Variants in TAP2 observed in about 807,000 individuals in gnomAD.
TAP2 encodes antigen peptide transporter 2.
A neutral mutation model predicts 74.7 loss-of-function variants in TAP2; 49 were observed. That is an observed-to-expected ratio of 0.66 (90% CI 0.52 to 0.83). TAP2 has a LOEUF of 0.83. TAP2 is among the 40% of genes least tolerant of loss of function. The pLI, the probability that TAP2 is intolerant of heterozygous loss-of-function variation, is 0.00. For synonymous variants in TAP2, 306 were observed against 368.4 expected (o/e 0.83, Z 1.94); for missense variants, 739 against 859.0 (o/e 0.86, Z 1.75).
In TAP2 at chr6:32,830,039, G is replaced by C; in HGVS notation, c.1686C>G (p.Asn562Lys). ...EPVLFSGSVR[N>K]NIAYGLQSCE... ...AGCTCTGCAGCCCATAAGCAATGTT[G>C]TTCCTCACAGAACCGGAGAACAGCA... Residue 562 changes from asparagine (N) to lysine (K), a missense_variant, in exon 10 of 12, where the codon AAC becomes AAG. Coordinates refer to ENST00000374897, the MANE Select transcript of TAP2 (RefSeq NM_001290043.2). 1 of 1,613,126 alleles carries C rather than the reference G, an allele frequency of 6.2e-7. No individual in the cohort carries two copies. The highest frequency in any genetic ancestry group is 8.5e-7 in the Non-Finnish European group (1 of 1,180,036).
At chr6:32,833,041 G>A (rs1205952346) in intron 5 of TAP2, among the ~76,000 whole-genome samples, 3 of 152,208 alleles carry the variant, frequency 2.0e-5, no homozygotes, top group African/African-American at 7.2e-5. Flanking sequence ...GGAGATACAT[G>A]CAATTTTTTT....
At chr6:32,823,425 C>T (rs1324111864), downstream of TAP2, among the ~76,000 whole-genome samples, 1 of 135,570 alleles carries the variant, frequency 7.4e-6, no homozygotes, top group Non-Finnish European at 1.5e-5. Flanking sequence ...TCTTGTCACA[C>T]TCAATTTTTT....
chr6:32,832,726 C>T lies in TAP2; in HGVS notation c.1044G>A (p.Glu348=). The part of the protein sequence containing the change: ...GLQTVRSFGA[E]EHEVCRYKEA... ...CTTTATAGCGACAGACTTCATGCTCCTCGGCCCCAAAACTGCGAACGGTCT... is the reference window on the plus strand; with the variant it reads ...CTTTATAGCGACAGACTTCATGCTCTTCGGCCCCAAAACTGCGAACGGTCT... The change falls in exon 6 of 12, where the codon GAG becomes GAA. Residue 348 remains glutamate (E), a synonymous_variant. Coordinates refer to ENST00000374897, the MANE Select transcript of TAP2 (RefSeq NM_001290043.2). The surrounding 1 kb of genome is among the most constrained non-coding windows in gnomAD (Gnocchi z 5.9). The T allele has an allele frequency of 6.2e-7, 1 of 1,613,110 alleles. No individual in the cohort carries two copies. Among genetic ancestry groups the T allele is most frequent in the Non-Finnish European group, 8.5e-7 (1 of 1,180,036 alleles).
At chr6:32,836,390 A>C (rs963767349) in intron 3 of TAP2, among the ~76,000 whole-genome samples, 13 of 152,266 alleles carry the variant, frequency 8.5e-5, no homozygotes, top group African/African-American at 3.1e-4. Context: ...TATTTTACAA[A>C]ATATATGTTT....
At chr6:32,836,658 C>T (rs553166502) in intron 3 of TAP2, among the ~76,000 whole-genome samples, 3 of 152,248 alleles carry the variant, frequency 2.0e-5, no homozygotes, top group South Asian at 4.1e-4. Flanking sequence ...ACACTGTGGG[C>T]GACTGTAACA....
chr6:32,822,958 C>T (rs1407344395), downstream of TAP2, among the ~76,000 whole-genome samples: 5 of 133,108 alleles, frequency 3.8e-5, no homozygotes, highest in African/African-American at 5.9e-5. Flanking sequence ...CTCACTGTGC[C>T]GCCCAGGCTG....
At chr6:32,838,344 T>C (rs2071544) in intron 1 of TAP2, 107 bp from the exon 2 acceptor site, 684,550 of 1,414,710 alleles carry the variant, frequency 0.48, 166,990 homozygotes, top group Middle Eastern at 0.56. Flanking sequence ...CTTCTCATTT[T>C]ATCCTATTCA....
At chr6:32,837,008 G>C (rs1014286336) in intron 3 of TAP2, among the ~76,000 whole-genome samples, 1 of 152,224 alleles carries the variant, frequency 6.6e-6, no homozygotes, top group Non-Finnish European at 1.5e-5. Flanking sequence ...GTTTGTTTGA[G>C]TATGTCTAGA....
intron 3 of TAP2, among the ~76,000 whole-genome samples, chr6:32,836,330 T>G (rs146609575): frequency 0.01 from 1,597 of 152,334 alleles, 25 homozygotes; most frequent in African/African-American, 0.029. Context: ...TTAGACCAAC[T>G]ACATGCTACA....
chr6:32,824,426 T>G (rs1183409722), downstream of TAP2, among the ~76,000 whole-genome samples: 2 of 152,146 alleles, frequency 1.3e-5, no homozygotes, highest in African/African-American at 4.8e-5. Flanking sequence ...TTAGGTTTCT[T>G]GTGATCTTAT....
chr6:32,828,679 C>T lies in TAP2; in HGVS notation c.*227G>A. ...TAAGTTTCCTGGACACAGACAGCCC[C>T]CACCCCACCCCACCCCACCTCTCTA... On this transcript the variant is annotated 3_prime_UTR_variant, in exon 12 of 12. Coordinates refer to ENST00000374897, the MANE Select transcript of TAP2 (RefSeq NM_001290043.2). The T allele has an allele frequency of 1.1e-6, 1 of 948,140 alleles. No individual in the cohort carries two copies. The allele number at this position is 948,140 out of a possible 1,614,324, so 58.7% of individuals were successfully genotyped here. A position where few individuals can be genotyped will look rare whatever the true frequency, so the allele number is the denominator to read the frequency against.
chr6:32,824,527 C>G (rs1278906941), downstream of TAP2, among the ~76,000 whole-genome samples: 5 of 152,126 alleles, frequency 3.3e-5, no homozygotes. Flanking sequence ...TACTTGTGAT[C>G]ACTGTGCTAT....
In TAP2 at chr6:32,832,836, G is replaced by A. The variant is rs1475181477; in HGVS notation, c.946-12C>T. On this transcript the variant is annotated splice_polypyrimidine_tract_variant and intron_variant, in intron 5 of 11. Transcript: ENST00000374897. This position sits in a 1 kb window ranked among gnomAD's most constrained non-coding sequence, Gnocchi z 5.9. ...TCCCGAAGCACTTCCTGGAAAAGAG[G>A]GCCAGCAAACACCAGGGCTGATGTG... 4 of 1,611,222 alleles carry A rather than the reference G, an allele frequency of 2.5e-6. No homozygotes were observed. In the South Asian group the frequency reaches 3.3e-5, roughly 13 times the overall value.
In TAP2 at chr6:32,837,765, A is replaced by G. The variant is rs776130590; in HGVS notation, c.469T>C (p.Phe157Leu). 3 of 1,614,214 alleles carry G rather than the reference A, an allele frequency of 1.9e-6. No homozygotes were observed. The African/African-American group carries it at 4.0e-5, about 22-fold the overall frequency. Residue 157 changes from phenylalanine (F) to leucine (L), a missense_variant, in exon 2 of 12, where the codon TTC (phenylalanine) becomes CTC (leucine). Physicochemically the swap from Phe to Leu is conservative, Grantham distance 22 (BLOSUM62 0). Coordinates refer to ENST00000374897, the MANE Select transcript of TAP2 (RefSeq NM_001290043.2). Reference protein sequence around the residue: ...PDLPLLVAAFFFLVLAVLGET... With the variant: ...PDLPLLVAAFLFLVLAVLGET... Reference sequence around the variant, plus strand: ...CCCAAAACAGCAAGGACAAGGAAGAAGAAGGCGGCAACGAGGAGAGGCAGG... The same window carrying G: ...CCCAAAACAGCAAGGACAAGGAAGAGGAAGGCGGCAACGAGGAGAGGCAGG...
Position 32,826,817 on chromosome 6 carries a change from A to G in TAP2, c.*2089T>C. On this transcript the variant is annotated 3_prime_UTR_variant, in exon 12 of 12. Coordinates refer to ENST00000374897, the MANE Select transcript of TAP2 (RefSeq NM_001290043.2). ...TATTATGATGCATGGGTATAACTGT[A>G]CTGAGGAAATCAAAGAATTTCTCAG... 2.0e-6 allele frequency: 2 copies of G among 985,454 alleles called. No individual in the cohort carries two copies. Among genetic ancestry groups the G allele is most frequent in the Non-Finnish European group, 2.4e-6 (2 of 829,936 alleles). The allele number at this position is 985,454 out of a possible 1,614,324, so 61.0% of individuals were successfully genotyped here.
chr6:32,832,228 G>C lies in TAP2; in HGVS notation c.1272+105C>G, dbSNP rs931207734. 7 of 1,512,220 alleles carry C rather than the reference G, an allele frequency of 4.6e-6. No homozygotes were observed. The highest frequency in any genetic ancestry group is 2.8e-5 in the African/African-American group (2 of 72,480). The allele number at this position is 1,512,220 out of a possible 1,614,324, so 93.7% of individuals were successfully genotyped here. A position where few individuals can be genotyped will look rare whatever the true frequency, so the allele number is the denominator to read the frequency against. On this transcript the variant is annotated intron_variant, in intron 7 of 11. Coordinates refer to ENST00000374897, the MANE Select transcript of TAP2 (RefSeq NM_001290043.2). This position sits in a 1 kb window ranked among gnomAD's most constrained non-coding sequence, Gnocchi z 5.9. ...CATAGCAAAATTACTTGCGGGTTTT[G>C]GTTTTGTATTGTATTGTTAAAAAGA... is the stretch of plus-strand genomic sequence containing the variant.
chr6:32,838,077 G>C lies in TAP2; in HGVS notation c.157C>G (p.Leu53Val), dbSNP rs144282514. The change falls in exon 2 of 12, where the codon CTA (leucine) becomes GTA (valine). Residue 53 changes from leucine (L) to valine (V), a missense_variant. Leu to Val is a conservative substitution (Grantham distance 32, BLOSUM62 1). Coordinates refer to ENST00000374897, the MANE Select transcript of TAP2 (RefSeq NM_001290043.2). ...AATCCCAGCAGCCCTCTTAGCTTTAGCAGCCCCCACAGCCCTCCCAGCCGC... is the reference window on the plus strand; with the variant it reads ...AATCCCAGCAGCCCTCTTAGCTTTACCAGCCCCCACAGCCCTCCCAGCCGC... ...TLRLGGLWGL[L>V]KLRGLLGFVG... 106 of 1,612,066 alleles carry C rather than the reference G, an allele frequency of 6.6e-5. No individual in the cohort carries two copies. In the African/African-American group the frequency reaches 1.2e-3, roughly 18 times the overall value.
rs1582575222 is a variant in TAP2 at position 32,832,185 on chromosome 6, C to T, written c.1272+148G>A. 2 of 1,080,874 alleles carry T rather than the reference C, an allele frequency of 1.9e-6. No individual in the cohort carries two copies. The highest frequency in any genetic ancestry group is 2.7e-6 in the Non-Finnish European group (2 of 741,430). The allele number at this position is 1,080,874 out of a possible 1,614,324, so 67.0% of individuals were successfully genotyped here. ...TAATATTATTTTGTCTCATTTTTGG[C>T]ATATGTTTAAAATTCTCCATAGCAA... On this transcript the variant is annotated intron_variant, in intron 7 of 11. Transcript: ENST00000374897. This position sits in a 1 kb window ranked among gnomAD's most constrained non-coding sequence, Gnocchi z 5.9.
rs1397280892 is a variant in TAP2 at position 32,826,486 on chromosome 6, C to G, written c.*2420G>C. On this transcript the variant is annotated 3_prime_UTR_variant, in exon 12 of 12. Transcript: ENST00000374897. Reference sequence around the variant, plus strand: ...TGAACAAAAAGAACTCTGGAGCAAACCAGGATTAGTGACATCTGTGGTTCC... The same window carrying G: ...TGAACAAAAAGAACTCTGGAGCAAAGCAGGATTAGTGACATCTGTGGTTCC... 1 of 985,250 alleles carries G rather than the reference C, an allele frequency of 1.0e-6. No homozygotes were observed. The highest frequency in any genetic ancestry group is 5.2e-4 in the Middle Eastern group (1 of 1,936). The allele number at this position is 985,250 out of a possible 1,614,324, so 61.0% of individuals were successfully genotyped here. A position where few individuals can be genotyped will look rare whatever the true frequency, so the allele number is the denominator to read the frequency against.
Sources: gnomAD v4.1 joint callset for allele counts (sites outside exome capture counted in the v4.1 genomes callset) on GRCh38, gnomAD v4.1.1 for gene constraint, Gnocchi (gnomAD v3.1) non-coding constraint, MANE v1.5 for transcripts, NCBI Gene and HGNC (gene_info 2026-07-23, HGNC 2026-07-21) for gene names.